Variants in VDAC1 observed in about 807,000 individuals in gnomAD.
VDAC1 encodes the protein voltage dependent anion channel 1, also known as non-selective voltage-gated ion channel VDAC1.
Under a neutral mutation model 34.7 loss-of-function variants are expected in VDAC1, and 10 were observed. That is an observed-to-expected ratio of 0.29 (90% CI 0.18 to 0.49). VDAC1 has a LOEUF of 0.49. Among genes scored for constraint, VDAC1 ranks in the 20% least tolerant of loss-of-function variants. The pLI is 0.99. For missense variants in VDAC1, 230 were observed against 347.9 expected (o/e 0.66, Z 2.69); for synonymous variants, 130 against 136.0 (o/e 0.96, Z 0.30).
the VDAC1 span, among the ~76,000 whole-genome samples, chr5:134,021,577 A>G: frequency 6.6e-6 from 1 of 152,062 alleles, no homozygotes; most frequent in Non-Finnish European, 1.5e-5. Flanking sequence ...AAAAAGAAAA[A>G]AGAAGCCTTC....
chr5:134,110,514 TAC>T, the VDAC1 span, among the ~76,000 whole-genome samples: 1 of 152,190 alleles, frequency 6.6e-6, no homozygotes, highest in Non-Finnish European at 1.5e-5. Context: ...ACAGTGAAAC[TAC>T]ACAGAGTTTC....
the VDAC1 span, among the ~76,000 whole-genome samples, chr5:134,092,993 A>G: frequency 6.6e-6 from 1 of 152,232 alleles, no homozygotes; most frequent in African/African-American, 2.4e-5. Flanking sequence ...GGCCTCTTTC[A>G]AGCTAATGCA....
chr5:134,083,186 TTTTC>T, the VDAC1 span, among the ~76,000 whole-genome samples: 323 of 147,356 alleles, frequency 2.2e-3, 3 homozygotes, highest in African/African-American at 7.7e-3. Flanking sequence ...TTTTCTTTTT[TTTTC>T]TTTTTTTTTT....
At chr5:134,108,099 T>C in the VDAC1 span, among the ~76,000 whole-genome samples, 1 of 152,142 alleles carries the variant, frequency 6.6e-6, no homozygotes, top group Admixed American at 6.5e-5. Flanking sequence ...GGAGAAAGTA[T>C]CTCTGCAGAC....
At chr5:134,039,311 C>T in the VDAC1 span, among the ~76,000 whole-genome samples, 1 of 152,100 alleles carries the variant, frequency 6.6e-6, no homozygotes, top group East Asian at 1.9e-4. Flanking sequence ...GAATGGCCCC[C>T]GACATGCGTG....
At chr5:134,103,777 A>G in the VDAC1 span, among the ~76,000 whole-genome samples, 2 of 152,266 alleles carry the variant, frequency 1.3e-5, no homozygotes, top group African/African-American at 4.8e-5. Context: ...TAGTTCAGGC[A>G]CAGGCCAGAA....
At chr5:134,086,588 AC>A in the VDAC1 span, among the ~76,000 whole-genome samples, 2 of 152,150 alleles carry the variant, frequency 1.3e-5, no homozygotes, top group African/African-American at 4.8e-5. Context: ...TGTTTCTAGG[AC>A]GTTTCCCACC....
the VDAC1 span, among the ~76,000 whole-genome samples, chr5:134,057,236 C>T: frequency 0.75 from 114,330 of 151,960 alleles, 43,505 homozygotes; most frequent in East Asian, 0.89. Flanking sequence ...TCCCAGCACT[C>T]TGAGAGGCCA....
the VDAC1 span, among the ~76,000 whole-genome samples, chr5:134,109,080 G>A: frequency 6.6e-6 from 1 of 152,132 alleles, no homozygotes; most frequent in Admixed American, 6.5e-5. Flanking sequence ...CGGCAGGTAC[G>A]GGGCCTGCTA....
the VDAC1 span, among the ~76,000 whole-genome samples, chr5:134,071,209 C>A: frequency 1.3e-5 from 2 of 152,252 alleles, no homozygotes; most frequent in East Asian, 3.9e-4. The surrounding 1 kb of genome is among the most constrained non-coding windows in gnomAD (Gnocchi z 4.1). Flanking sequence ...CAGCGGGTGC[C>A]ACCCTCCCCT....
the VDAC1 span, among the ~76,000 whole-genome samples, chr5:134,051,557 A>T: frequency 6.6e-6 from 1 of 152,176 alleles, no homozygotes; most frequent in Admixed American, 6.5e-5. Context: ...CAATACCTGG[A>T]TGTGACACCA....
At chr5:134,050,108 G>C in the VDAC1 span, among the ~76,000 whole-genome samples, 1 of 152,068 alleles carries the variant, frequency 6.6e-6, no homozygotes, top group South Asian at 2.1e-4. Context: ...AATTAGCCAG[G>C]CGTGATGGTA....
intron 1 of VDAC1, among the ~76,000 whole-genome samples, chr5:134,002,524 T>A (rs1180328989): frequency 1.3e-5 from 2 of 152,178 alleles, no homozygotes; most frequent in African/African-American, 4.8e-5. Flanking sequence ...CAAGTTTCCC[T>A]CGGGACTTGG....
At chr5:134,072,499 A>G in the VDAC1 span, among the ~76,000 whole-genome samples, 1 of 152,174 alleles carries the variant, frequency 6.6e-6, no homozygotes, top group Non-Finnish European at 1.5e-5. Context: ...CCTCTTTCTC[A>G]TGATCAAGGT....
the VDAC1 span, among the ~76,000 whole-genome samples, chr5:134,106,414 C>CTTTTTTTTTTTTTTTT: frequency 6.8e-6 from 1 of 146,550 alleles, no homozygotes; most frequent in Non-Finnish European, 1.5e-5. Context: ...TTGTCATCCT[C>CTTTTTTTTTTTTTTTT]TTTTTTTTTT....
At chr5:134,082,842 T>C in the VDAC1 span, among the ~76,000 whole-genome samples, 1 of 152,252 alleles carries the variant, frequency 6.6e-6, no homozygotes, top group African/African-American at 2.4e-5. Flanking sequence ...CATCTTTTCA[T>C]GTGCTTGTCA....
chr5:134,096,122 C>T, the VDAC1 span, among the ~76,000 whole-genome samples: 3 of 152,212 alleles, frequency 2.0e-5, no homozygotes, highest in African/African-American at 7.2e-5. Flanking sequence ...CAAGGAAGTG[C>T]GTGTTTCCTT....
intron 5 of VDAC1, among the ~76,000 whole-genome samples, chr5:133,985,373 CAAA>C (rs1752867648): frequency 8.5e-5 from 13 of 152,062 alleles, no homozygotes; most frequent in Non-Finnish European, 1.5e-4. Context: ...AAGAAAAATC[CAAA>C]ACTGGTCAGG....
rs910062741 is a variant in VDAC1 at position 133,974,897 on chromosome 5, G to A, written c.702+974C>T. Among the ~76,000 whole-genome samples, 3 of 151,796 alleles carry A rather than the reference G, an allele frequency of 2.0e-5. No individual in the cohort carries two copies. The South Asian group carries it at 6.2e-4, about 32-fold the overall frequency. ...GAACCTGGGGGACGGAGGTTGCGCA[G>A]TGAGCTGAGATCGTGCCATTGCACT... On this transcript the variant is annotated intron_variant, in intron 7 of 8. Coordinates refer to ENST00000265333, the MANE Select transcript of VDAC1 (RefSeq NM_003374.3).
Sources: allele counts gnomAD v4.1 joint callset (sites outside exome capture counted in the v4.1 genomes callset), GRCh38; gene constraint gnomAD v4.1.1; non-coding constraint Gnocchi (gnomAD v3.1); transcripts MANE v1.5; gene names NCBI Gene and HGNC (gene_info 2026-07-23, HGNC 2026-07-21).